NEDD9: variants seen among roughly 807,000 people sequenced by gnomAD.
The protein encoded by NEDD9 is enhancer of filamentation 1.
A neutral mutation model predicts 76.6 loss-of-function variants in NEDD9; 26 were observed. The observed-to-expected ratio is 0.34, with a 90% confidence interval of 0.25 to 0.47. The LOEUF (loss-of-function observed/expected upper bound fraction) is 0.47, where lower values mean the gene tolerates loss of function less well. Ranked by LOEUF, NEDD9 falls within the 20% of genes least tolerant of loss-of-function variation. The pLI is 1.00. For missense variants in NEDD9, 937 were observed against 1,058.5 expected, an observed-to-expected ratio of 0.89 and a Z score of 1.59; for synonymous variants, 392 against 414.2, an observed-to-expected ratio of 0.95 and a Z score of 0.65.
At chr6:11,311,068 A>C (rs1273369033) in intron 2 of NEDD9, among the ~76,000 whole-genome samples, 9 of 152,162 alleles carry the variant, frequency 5.9e-5, no homozygotes, top group Non-Finnish European at 1.0e-4. Flanking sequence ...TGCTCCCAGC[A>C]GTCACCCCTT....
intron 6 of NEDD9, among the ~76,000 whole-genome samples, chr6:11,186,451 G>A (rs1757983400): frequency 1.3e-5 from 2 of 152,012 alleles, no homozygotes; most frequent in Non-Finnish European, 1.5e-5. Flanking sequence ...AATTTCTAGG[G>A]ATTCCACTAA....
At chr6:11,363,343 A>G (rs1762710463) in intron 1 of NEDD9, among the ~76,000 whole-genome samples, 1 of 152,192 alleles carries the variant, frequency 6.6e-6, no homozygotes. Flanking sequence ...AAGCCTAAAA[A>G]TGGTTTACAA....
chr6:11,297,858 A>T (rs1482586105), intron 3 of NEDD9, among the ~76,000 whole-genome samples: 1 of 151,984 alleles, frequency 6.6e-6, no homozygotes, highest in African/African-American at 2.4e-5. Flanking sequence ...TAGAGGCAAG[A>T]CTGGGATTCA....
In NEDD9 at chr6:11,201,149, C is replaced by T. The variant is rs555498768; in HGVS notation, c.460-7457G>A. 142 of 1,318,460 alleles carry T rather than the reference C, an allele frequency of 1.1e-4. No homozygotes were observed. The African/African-American group carries it at 1.5e-3, about 14-fold the overall frequency. 81.7% of individuals were successfully genotyped at this position (1,318,460 alleles called of 1,614,324 possible). A position where few individuals can be genotyped will look rare whatever the true frequency, so the allele number is the denominator to read the frequency against. ...TGGGGGCACTTCTTTCCTTGGGCAT[C>T]CACTTCACCTCCTTAATGCAGAGCT... On this transcript the variant is annotated intron_variant, in intron 2 of 6. Coordinates refer to ENST00000379446, the MANE Select transcript of NEDD9 (RefSeq NM_006403.4).
chr6:11,231,064 C>G (rs942124915), intron 1 of NEDD9, among the ~76,000 whole-genome samples: 5 of 152,150 alleles, frequency 3.3e-5, no homozygotes, highest in African/African-American at 1.2e-4. Flanking sequence ...AAAAGTCACT[C>G]CAGGCTGAGT....
chr6:11,234,570 C>T (rs73723926), upstream of NEDD9, among the ~76,000 whole-genome samples: 2,721 of 152,116 alleles, frequency 0.018, 91 homozygotes, highest in African/African-American at 0.061. Context: ...CTGTTTCTGT[C>T]CTGTAAGGTA....
chr6:11,347,822 T>A (rs1762392375), intron 1 of NEDD9, among the ~76,000 whole-genome samples: 2 of 152,078 alleles, frequency 1.3e-5, no homozygotes, highest in Non-Finnish European at 2.9e-5. Flanking sequence ...TGTGACAAAC[T>A]CACAGCCAGC....
At chr6:11,222,557 G>T (rs1300377359) in intron 1 of NEDD9, among the ~76,000 whole-genome samples, 1 of 152,198 alleles carries the variant, frequency 6.6e-6, no homozygotes, top group East Asian at 1.9e-4. Context: ...GAGGTGGAGA[G>T]ACAAGCTCTT....
At position 11,189,951 on chromosome 6, in the gene NEDD9, T is replaced by C; in HGVS notation, c.1905+13A>G. On this transcript the variant is annotated intron_variant, in intron 5 of 6. Transcript: ENST00000379446. ...GAGTGAGTGTAGGTGTTTTATGAGT[T>C]CCGCTGTTTTACCTGTAGGTGGACG... The C allele has an allele frequency of 6.6e-7, 1 of 1,512,568 alleles. No individual in the cohort carries two copies. The allele number at this position is 1,512,568 out of a possible 1,614,324, so 93.7% of individuals were successfully genotyped here. A position where few individuals can be genotyped will look rare whatever the true frequency, so the allele number is the denominator to read the frequency against.
At chr6:11,189,938 G>A (rs1343575099) in intron 5 of NEDD9, 26 bp downstream of exon 5, 1 of 1,510,044 alleles carries the variant, frequency 6.6e-7, no homozygotes, top group East Asian at 2.3e-5. Context: ...GTGAGTGTAG[G>A]TGTTTTATGA....
At position 11,205,629 on chromosome 6, in the gene NEDD9, C is replaced by CT. The variant is rs1013583052; in HGVS notation, c.459+7651dup. Among the ~76,000 whole-genome samples, 634 of 144,930 alleles carry CT rather than the reference C, an allele frequency of 4.4e-3. 3 individuals are homozygous for CT. Among genetic ancestry groups the CT allele is most frequent in the African/African-American group, 0.012 (477 of 39,684 alleles). On this transcript the variant is annotated intron_variant, in intron 2 of 6. Transcript: ENST00000379446. ...CAAATGTTACTGGAGTTACATCCTA[C>CT]TTTTTTTTTTTTTTGAGACAGAGTT...
chr6:11,234,744 T>G (rs1759564404), upstream of NEDD9, among the ~76,000 whole-genome samples: 1 of 149,422 alleles, frequency 6.7e-6, no homozygotes. Flanking sequence ...AGACAAAGTT[T>G]CATTCTTGTT....
intron 5 of NEDD9, 63 bp downstream of exon 5, chr6:11,189,901 C>T: frequency 2.0e-6 from 3 of 1,488,676 alleles, no homozygotes; most frequent in South Asian, 1.4e-5. Context: ...TCCTTATAGG[C>T]ATCTTTCTCA....
At chr6:11,298,290 TGTGA>T (rs977744659) in intron 3 of NEDD9, among the ~76,000 whole-genome samples, 2 of 152,166 alleles carry the variant, frequency 1.3e-5, no homozygotes, top group African/African-American at 4.8e-5. Context: ...GATGTGTGTG[TGTGA>T]GTGTGTGTAT....
chr6:11,326,486 A>C (rs751410239), intron 2 of NEDD9, among the ~76,000 whole-genome samples: 1 of 152,234 alleles, frequency 6.6e-6, no homozygotes, highest in Non-Finnish European at 1.5e-5. Context: ...TTTCTTTCTC[A>C]TGCTTAACTT....
chr6:11,220,046 A>C (rs1316416962), intron 1 of NEDD9, among the ~76,000 whole-genome samples: 1 of 152,164 alleles, frequency 6.6e-6, no homozygotes, highest in Non-Finnish European at 1.5e-5. Context: ...AAGATATGCT[A>C]ATTTTTTCCC....
chr6:11,318,718 T>C (rs1284323603), intron 2 of NEDD9, among the ~76,000 whole-genome samples: 2 of 152,180 alleles, frequency 1.3e-5, no homozygotes, highest in African/African-American at 4.8e-5. Context: ...AGCTCACTCT[T>C]CTAAAATGAC....
intron 3 of NEDD9, among the ~76,000 whole-genome samples, chr6:11,275,565 C>CACACACACACACACATATATATAT (rs551632582): frequency 6.7e-6 from 1 of 150,184 alleles, no homozygotes; most frequent in African/African-American, 2.5e-5. Context: ...CACACACACA[C>CACACACACACACACATATATATAT]ATATATATAT....
chr6:11,330,387 G>A (rs1381015754), intron 2 of NEDD9, among the ~76,000 whole-genome samples: 2 of 152,148 alleles, frequency 1.3e-5, no homozygotes, highest in East Asian at 1.9e-4. Flanking sequence ...ATATTTTGGC[G>A]GGAACAGAGA....
Sources: gnomAD v4.1 joint callset for allele counts (sites outside exome capture counted in the v4.1 genomes callset) on GRCh38, gnomAD v4.1.1 for gene constraint, MANE v1.5 for transcripts, NCBI Gene and HGNC (gene_info 2026-07-23, HGNC 2026-07-21) for gene names.